The following HECTD4 variants were observed in gnomAD, a reference collection of about 807,000 sequenced individuals.
The protein encoded by HECTD4 is probable E3 ubiquitin-protein ligase HECTD4.
HECTD4 carries 114 observed loss-of-function variants against 471.5 expected under a neutral mutation model. That is an observed-to-expected ratio of 0.24 (90% CI 0.21 to 0.28). The LOEUF (loss-of-function observed/expected upper bound fraction) is 0.28, where lower values mean the gene tolerates loss of function less well. Among genes scored for constraint, HECTD4 ranks in the 10% least tolerant of loss-of-function variants. HECTD4 has a pLI of 1.00. For synonymous variants in HECTD4, 2,012 were observed against 2,256.0 expected (o/e 0.89, Z 3.07); for missense variants, 3,866 against 5,651.5 (o/e 0.68, Z 10.13).
At chr12:112,167,581 C>A in intron 71 of HECTD4, 43 bp from the exon 72 acceptor site, 1 of 1,435,840 alleles carries the variant, frequency 7.0e-7, no homozygotes, top group South Asian at 1.3e-5. Flanking sequence ...GCGTGGGCCT[C>A]TGTGCCCGCC....
In HECTD4 at chr12:112,319,161, C is replaced by T. The variant is rs2035540076; in HGVS notation, c.695+64G>A. On this transcript the variant is annotated intron_variant, in intron 2 of 75. Coordinates refer to ENST00000682272, the MANE Select transcript of HECTD4 (RefSeq NM_001388303.1). The surrounding 1 kb of genome is among the most constrained non-coding windows in gnomAD (Gnocchi z 5.3). ...TATCAAATATACTTGGCCTCTTCTT[C>T]ATTCACCCAACCCAGGTGGCAGTAG... 1 of 1,481,618 alleles carries T rather than the reference C, an allele frequency of 6.7e-7. No individual in the cohort carries two copies. The highest frequency in any genetic ancestry group is 2.5e-5 in the East Asian group (1 of 40,606). 91.8% of individuals were successfully genotyped at this position (1,481,618 alleles called of 1,614,324 possible).
intron 50 of HECTD4, 135 bp downstream of exon 50, chr12:112,209,880 C>T (rs144860503): frequency 8.4e-6 from 6 of 710,562 alleles, no homozygotes; most frequent in African/African-American, 1.7e-5. Context: ...GGCCTGTGAC[C>T]CCATTACCAA....
intron 62 of HECTD4, among the ~76,000 whole-genome samples, chr12:112,181,960 C>T (rs1262248260): frequency 3.9e-5 from 6 of 151,930 alleles, no homozygotes; most frequent in African/African-American, 1.2e-4. Flanking sequence ...GGTATGGCGG[C>T]GTGCACCTGT....
chr12:112,252,444 C>G lies in HECTD4; in HGVS notation c.3532G>C (p.Ala1178Pro). ...AGTACCTGAGCGCGAACTGTGCAAG[C>G]AAAGCCCCACATGGCTTTATCAGGA... ...NTPDKAMWGF[A>P]CTVRAQESSE... Residue 1178 changes from alanine (A) to proline (P), a missense_variant, in exon 23 of 76, where the codon GCT becomes CCT. By Grantham distance (27) the Ala-to-Pro change is conservative. This residue lies in a region of HECTD4 where 281 missense variants were observed against 499.9 expected (regional missense o/e 0.56). Transcript: ENST00000682272. The G allele has an allele frequency of 6.2e-7, 1 of 1,607,558 alleles. No homozygotes were observed.
chr12:112,286,482 T>C (rs2034756530), intron 7 of HECTD4, among the ~76,000 whole-genome samples: 1 of 152,188 alleles, frequency 6.6e-6, no homozygotes, highest in South Asian at 2.1e-4. Context: ...GAGACCAGCC[T>C]GGGCAACATA....
chr12:112,230,902 A>C, intron 39 of HECTD4, 80 bp from the exon 40 acceptor site: 1 of 1,348,338 alleles, frequency 7.4e-7, no homozygotes, highest in Non-Finnish European at 1.0e-6. Flanking sequence ...GGTTAGCATC[A>C]GAGGAAAACC....
intron 1 of HECTD4, among the ~76,000 whole-genome samples, chr12:112,342,930 A>C (rs2036078322): frequency 2.0e-5 from 3 of 152,232 alleles, no homozygotes; most frequent in South Asian, 4.1e-4. Flanking sequence ...ACTTCTTAGA[A>C]AGTTCCTTCA....
intron 50 of HECTD4, among the ~76,000 whole-genome samples, 185 bp downstream of exon 50, chr12:112,209,830 G>T (rs1481158487): frequency 6.6e-6 from 1 of 152,178 alleles, no homozygotes; most frequent in Non-Finnish European, 1.5e-5. Context: ...GAACTTTCTG[G>T]TCTGCTGTGC....
chr12:112,182,832 C>CA (rs1218267527), intron 62 of HECTD4, among the ~76,000 whole-genome samples: 4 of 152,254 alleles, frequency 2.6e-5, no homozygotes, highest in African/African-American at 9.6e-5. Context: ...TGCACATAAC[C>CA]AGCCCCCACT....
At chr12:112,258,867 T>C (rs959447880) in intron 19 of HECTD4, 5 of 562,904 alleles carry the variant, frequency 8.9e-6, no homozygotes, top group Non-Finnish European at 1.5e-5. Flanking sequence ...TATATTAGCA[T>C]TTTTATAGCT....
chr12:112,349,388 CAA>C (rs60480485), intron 1 of HECTD4, among the ~76,000 whole-genome samples: 3 of 54,716 alleles, frequency 5.5e-5, no homozygotes, highest in Non-Finnish European at 7.2e-5. Context: ...ACTCTTGCTC[CAA>C]AAAAAAAAAA....
intron 72 of HECTD4, among the ~76,000 whole-genome samples, chr12:112,165,975 A>G (rs977498886): frequency 2.6e-5 from 4 of 152,172 alleles, no homozygotes; most frequent in South Asian, 2.1e-4. Flanking sequence ...CTCCACTGAT[A>G]CAAGTCGAGA....
chr12:112,230,530 G>C lies in HECTD4; in HGVS notation c.6336+157C>G, dbSNP rs4767521. 0.055 allele frequency among the ~76,000 whole-genome samples: 8,411 copies of C among 152,252 alleles called. 1,276 individuals carry two copies. In the East Asian group the frequency reaches 0.61, roughly 11 times the overall value. ...GTGATATAGGTTAACAGAGTTGAAA[G>C]TACTACAGTAAAGCAACTTCCAGGG... On this transcript the variant is annotated intron_variant, in intron 40 of 75. Transcript: ENST00000682272.
At chr12:112,344,876 C>G (rs550254713) in intron 1 of HECTD4, among the ~76,000 whole-genome samples, 1 of 152,010 alleles carries the variant, frequency 6.6e-6, no homozygotes, top group Non-Finnish European at 1.5e-5. Context: ...TGAGATCACG[C>G]CATTGCACTC....
intron 29 of HECTD4, among the ~76,000 whole-genome samples, chr12:112,244,664 C>A (rs1468252402): frequency 6.6e-6 from 1 of 152,218 alleles, no homozygotes; most frequent in East Asian, 1.9e-4. Flanking sequence ...AGCTACCACA[C>A]CTGGCCCAAA....
intron 72 of HECTD4, among the ~76,000 whole-genome samples, chr12:112,165,795 C>T (rs1217886376): frequency 6.6e-6 from 1 of 152,214 alleles, no homozygotes; most frequent in Non-Finnish European, 1.5e-5. Context: ...CCAGGATCAG[C>T]GTCCAGGGGA....
At chr12:112,245,153 C>T (rs2033730804) in intron 29 of HECTD4, among the ~76,000 whole-genome samples, 1 of 152,128 alleles carries the variant, frequency 6.6e-6, no homozygotes, top group South Asian at 2.1e-4. Flanking sequence ...CAGGTGCATG[C>T]CACCATGCCT....
Position 112,163,036 on chromosome 12 carries a change from C to T in HECTD4, c.13120+6G>A, listed in dbSNP as rs779335157. The T allele has an allele frequency of 6.3e-6, 10 of 1,594,932 alleles. No individual in the cohort carries two copies. Among genetic ancestry groups the T allele is most frequent in the South Asian group, 1.1e-5 (1 of 89,244 alleles). On this transcript the variant is annotated splice_donor_region_variant and intron_variant, in intron 75 of 75. Coordinates refer to ENST00000682272, the MANE Select transcript of HECTD4 (RefSeq NM_001388303.1). This position sits in a 1 kb window ranked among gnomAD's most constrained non-coding sequence, Gnocchi z 8.2. ...TACTTGGGACATGGCCAGGGGAGGGCGGTACCTGCTGTGCCATCTGGGGGG... is the reference window on the plus strand; with the variant it reads ...TACTTGGGACATGGCCAGGGGAGGGTGGTACCTGCTGTGCCATCTGGGGGG...
chr12:112,177,249 G>A (rs2031482265), intron 64 of HECTD4, among the ~76,000 whole-genome samples: 1 of 152,132 alleles, frequency 6.6e-6, no homozygotes, highest in Non-Finnish European at 1.5e-5. Flanking sequence ...AATTCCTCTA[G>A]AGATTCTTGC....
Sources: allele counts gnomAD v4.1 joint callset (sites outside exome capture counted in the v4.1 genomes callset), GRCh38; gene constraint gnomAD v4.1.1; regional missense constraint gnomAD v4.1.1; non-coding constraint Gnocchi (gnomAD v3.1); transcripts MANE v1.5; gene names NCBI Gene and HGNC (gene_info 2026-07-23, HGNC 2026-07-21).